U2AF1L4: variants seen among roughly 807,000 people sequenced by gnomAD.
U2AF1L4 encodes splicing factor U2AF 26 kDa subunit.
Under a neutral mutation model 21.7 loss-of-function variants are expected in U2AF1L4, and 21 were observed. The ratio of observed to expected loss-of-function variants is 0.97; its 90% CI spans 0.69 to 1.39. The LOEUF (loss-of-function observed/expected upper bound fraction) is 1.39, where lower values mean the gene tolerates loss of function less well. Among genes scored for constraint, U2AF1L4 ranks in the 40% most tolerant of loss-of-function variants. U2AF1L4 has a pLI of 0.00. For synonymous variants in U2AF1L4, 92 were observed against 89.7 expected, an observed-to-expected ratio of 1.03 and a Z score of -0.15; for missense variants, 259 against 245.7, an observed-to-expected ratio of 1.05 and a Z score of -0.36.
chr19:35,742,506 C>A (rs1568394783), downstream of U2AF1L4: 1 of 1,589,402 alleles, frequency 6.3e-7, no homozygotes. Flanking sequence ...GAGGGAAATG[C>A]CAAACCACAG....
intron 2 of U2AF1L4, 28 bp downstream of exon 2, chr19:35,745,097 A>G (rs775852503): frequency 8.7e-5 from 140 of 1,605,582 alleles, no homozygotes; most frequent in Non-Finnish European, 1.1e-4. Context: ...GGAGCCGTTA[A>G]CCCCCGAGGC....
At chr19:35,743,946 A>G (rs1282419624) in intron 4 of U2AF1L4, 42 bp from the exon 5 acceptor site, 2 of 1,609,110 alleles carry the variant, frequency 1.2e-6, no homozygotes, top group Non-Finnish European at 1.7e-6. Flanking sequence ...ATTGTCACTG[A>G]CAGCCCCTAC....
intron 2 of U2AF1L4, chr19:35,744,682 A>C (rs777083813): frequency 3.9e-6 from 6 of 1,536,076 alleles, no homozygotes; most frequent in Non-Finnish European, 5.2e-6. Flanking sequence ...CAGGTTGAGC[A>C]GCACTATGGT....
chr19:35,745,020 G>T, intron 2 of U2AF1L4, 105 bp downstream of exon 2: 1 of 1,135,760 alleles, frequency 8.8e-7, no homozygotes, highest in Non-Finnish European at 1.3e-6. Context: ...CCGGGCGGTG[G>T]GGAGGGACTC....
intron 2 of U2AF1L4, chr19:35,744,810 CA>C (rs1210321296): frequency 2.8e-5 from 34 of 1,206,324 alleles, no homozygotes; most frequent in Non-Finnish European, 2.8e-5. Flanking sequence ...ATCATGAGTG[CA>C]TCGGCGATCC....
chr19:35,742,644 G>T lies in U2AF1L4; in HGVS notation c.*75C>A, dbSNP rs368365387. On this transcript the variant is annotated 3_prime_UTR_variant, in exon 6 of 6. Coordinates refer to ENST00000378975, the MANE Select transcript of U2AF1L4 (RefSeq NM_001040425.3). Reference sequence around the variant, plus strand: ...CCTGGGAAGGATGGGGCAGGAGAGTGAAGGGGGCTTTGAGGAGAGGTCCTG... The same window carrying T: ...CCTGGGAAGGATGGGGCAGGAGAGTTAAGGGGGCTTTGAGGAGAGGTCCTG... 4 of 1,613,606 alleles carry T rather than the reference G, an allele frequency of 2.5e-6. No individual in the cohort carries two copies. The highest frequency in any genetic ancestry group is 3.4e-6 in the Non-Finnish European group (4 of 1,179,986).
In U2AF1L4 at chr19:35,744,907, C is replaced by T. The variant is rs1295996992; in HGVS notation, c.132+218G>A. On this transcript the variant is annotated intron_variant, in intron 2 of 5. Coordinates refer to ENST00000378975, the MANE Select transcript of U2AF1L4 (RefSeq NM_001040425.3). Reference sequence around the variant, plus strand: ...GAAGGGACTGGCAAAGATGAACAGCCGCCGTGTGTAGCCTGTACGCATGGG... The same window carrying T: ...GAAGGGACTGGCAAAGATGAACAGCTGCCGTGTGTAGCCTGTACGCATGGG... 1.1e-5 allele frequency: 8 copies of T among 716,294 alleles called. No individual in the cohort carries two copies. The East Asian group carries it at 1.9e-4, about 17-fold the overall frequency. 44.4% of individuals were successfully genotyped at this position (716,294 alleles called of 1,614,324 possible).
At chr19:35,742,483 A>G, downstream of U2AF1L4, 2 of 1,564,996 alleles carry the variant, frequency 1.3e-6, no homozygotes, top group Non-Finnish European at 1.7e-6. Context: ...CCTTTTCGTC[A>G]CATGTGTGGG....
rs773164692 is a variant in U2AF1L4 at position 35,744,386 on chromosome 19, C to T, written c.168G>A (p.Glu56=). ...VFTELQEKYG[E]IEEMNVCDNL... ...TGTCGCACACATTCATCTCTTCAAT[C>T]TCCCCATACTTCTCCTGCAGTTCTG... The change falls in exon 3 of 6, where the codon GAG becomes GAA. Residue 56 remains glutamate, a synonymous_variant. Coordinates refer to ENST00000378975, the MANE Select transcript of U2AF1L4 (RefSeq NM_001040425.3). 1.2e-5 allele frequency: 20 copies of T among 1,614,202 alleles called. No homozygotes were observed. Among genetic ancestry groups the T allele is most frequent in the Middle Eastern group, 1.6e-4 (1 of 6,062 alleles).
chr19:35,744,786 A>AC, intron 2 of U2AF1L4: 2 of 1,413,190 alleles, frequency 1.4e-6, no homozygotes, highest in Non-Finnish European at 1.9e-6. Flanking sequence ...GGAACCTTAC[A>AC]CCCCAGCCTA....
chr19:35,743,472 C>T (rs1408270475), intron 5 of U2AF1L4: 3 of 309,014 alleles, frequency 9.7e-6, no homozygotes, highest in East Asian at 8.3e-5. Flanking sequence ...AGGTGGATCA[C>T]GAGGTTAGGA....
chr19:35,745,191 A>AC lies in U2AF1L4; in HGVS notation c.65_66insG (p.Phe22LeufsTer2). 1 of 1,613,698 alleles carries AC rather than the reference A, an allele frequency of 6.2e-7. No individual in the cohort carries two copies. The highest frequency in any genetic ancestry group is 2.2e-5 in the East Asian group (1 of 44,862). ...CCCCGTGCCGGCAGACCCCGATCTTAAAGTAAAAAGAGCAGTTAACCCTGG... is the reference window on the plus strand; with the variant it reads ...CCCCGTGCCGGCAGACCCCGATCTTACAAGTAAAAAGAGCAGTTAACCCTGG... On this transcript the variant is annotated frameshift_variant, in exon 2 of 6. Coordinates refer to ENST00000378975, the MANE Select transcript of U2AF1L4 (RefSeq NM_001040425.3). LOFTEE classifies it high-confidence loss of function.
Position 35,742,531 on chromosome 19 carries a change from T to A in U2AF1L4, c.*188A>T. 1 of 1,609,002 alleles carries A rather than the reference T, an allele frequency of 6.2e-7. No individual in the cohort carries two copies. Among genetic ancestry groups the A allele is most frequent in the Non-Finnish European group, 8.5e-7 (1 of 1,178,342 alleles). ...CCAAACCACAGCAAAAGCAAGTTGA[T>A]GCCGAAGTGAAACACGCAGCTTTAT... On this transcript the variant is annotated 3_prime_UTR_variant, in exon 6 of 6. Transcript: ENST00000378975.
At chr19:35,744,857 A>G (rs556684981) in intron 2 of U2AF1L4, 1 of 840,572 alleles carries the variant, frequency 1.2e-6, no homozygotes, top group Non-Finnish European at 1.9e-6. Flanking sequence ...GATGGAGGGG[A>G]CTGGCAAGGA....
chr19:35,745,253 G>A (rs932193946), intron 1 of U2AF1L4, 41 bp from the exon 2 acceptor site: 6 of 1,608,690 alleles, frequency 3.7e-6, no homozygotes, highest in Middle Eastern at 1.7e-4. Flanking sequence ...GAGGGCCGGG[G>A]AAGCTGGGCA....
chr19:35,742,610 G>A lies in U2AF1L4; in HGVS notation c.*109C>T, dbSNP rs1365935359. On this transcript the variant is annotated 3_prime_UTR_variant, in exon 6 of 6. Coordinates refer to ENST00000378975, the MANE Select transcript of U2AF1L4 (RefSeq NM_001040425.3). ...CATGCTGAACAGATTACATTATGGAGCCCGGGAGCCTGGGAAGGATGGGGC... is the reference window on the plus strand; with the variant it reads ...CATGCTGAACAGATTACATTATGGAACCCGGGAGCCTGGGAAGGATGGGGC... 2 of 1,613,946 alleles carry A rather than the reference G, an allele frequency of 1.2e-6. No homozygotes were observed. The highest frequency in any genetic ancestry group is 2.2e-5 in the East Asian group (1 of 44,880).
chr19:35,743,710 A>ATT, intron 5 of U2AF1L4, 99 bp downstream of exon 5: 6 of 766,388 alleles, frequency 7.8e-6, no homozygotes, highest in Non-Finnish European at 1.1e-5. Flanking sequence ...AAAAAAAAAG[A>ATT]TTCTTGGGAA....
intron 2 of U2AF1L4, 75 bp downstream of exon 2, chr19:35,745,050 G>T: frequency 6.9e-7 from 1 of 1,446,496 alleles, no homozygotes. Context: ...GAATAGGCGG[G>T]ACATGGTGAC....
intron 5 of U2AF1L4, 107 bp downstream of exon 5, chr19:35,743,702 A>AG (rs1294541903): frequency 1.0e-6 from 1 of 970,502 alleles, no homozygotes; most frequent in South Asian, 1.5e-5. Context: ...AAAAAAAAAA[A>AG]AAAAAAGATT....
Sources: gnomAD v4.1 joint callset for allele counts on GRCh38, gnomAD v4.1.1 for gene constraint, MANE v1.5 for transcripts, NCBI Gene and HGNC (gene_info 2026-07-23, HGNC 2026-07-21) for gene names.